LEMD1: variants seen among roughly 807,000 people sequenced by gnomAD.
LEMD1 encodes LEM domain-containing protein 1.
A neutral mutation model predicts 17.4 loss-of-function variants in LEMD1; 18 were observed. The ratio of observed to expected loss-of-function variants is 1.04; its 90% CI spans 0.72 to 1.54. The LOEUF is 1.54. Among genes scored for constraint, LEMD1 ranks in the 40% most tolerant of loss-of-function variants. The pLI, the probability that LEMD1 is intolerant of heterozygous loss-of-function variation, is 0.00. For missense variants in LEMD1, 195 were observed against 210.4 expected, an observed-to-expected ratio of 0.93 and a Z score of 0.45; for synonymous variants, 88 against 77.8, an observed-to-expected ratio of 1.13 and a Z score of -0.69.
chr1:205,427,976 G>T (rs1002128247), intron 1 of LEMD1, among the ~76,000 whole-genome samples: 1 of 152,180 alleles, frequency 6.6e-6, no homozygotes, highest in African/African-American at 2.4e-5. Flanking sequence ...GATGTTTCCT[G>T]AGGATCCCGA....
At chr1:205,390,732 T>A (rs1006765860) in intron 4 of LEMD1, among the ~76,000 whole-genome samples, 4 of 152,164 alleles carry the variant, frequency 2.6e-5, no homozygotes, top group African/African-American at 7.2e-5. Flanking sequence ...CTATTCCCAA[T>A]GGAGCAAAAA....
intron 1 of LEMD1, among the ~76,000 whole-genome samples, chr1:205,447,698 C>T (rs115063483): frequency 1.6e-4 from 25 of 152,096 alleles, no homozygotes; most frequent in African/African-American, 5.5e-4. Flanking sequence ...GGGGGCAGCT[C>T]CTGGAGATGG....
intron 4 of LEMD1, among the ~76,000 whole-genome samples, chr1:205,403,570 C>T (rs1290551692): frequency 2.6e-5 from 4 of 151,414 alleles, no homozygotes; most frequent in Admixed American, 6.6e-5. Context: ...TTTTTTATTG[C>T]ATCTATTTGA....
At chr1:205,444,432 G>A (rs61824986) in intron 1 of LEMD1, among the ~76,000 whole-genome samples, 10,569 of 152,032 alleles carry the variant, frequency 0.07, 490 homozygotes, top group Non-Finnish European at 0.11. Context: ...TAGAGCATCC[G>A]TCCTCCCCCA....
intron 3 of LEMD1, 115 bp from the exon 4 acceptor site, chr1:205,416,411 G>A (rs1331491711): frequency 1.4e-6 from 1 of 712,856 alleles, no homozygotes; most frequent in East Asian, 2.8e-5. Context: ...TTTGCAAGGG[G>A]ATGAAAATTC....
chr1:205,434,129 G>A (rs112762696), intron 1 of LEMD1, among the ~76,000 whole-genome samples: 84 of 151,930 alleles, frequency 5.5e-4, no homozygotes, highest in Admixed American at 1.3e-3. Context: ...GAAAATTCCC[G>A]TGTGTTCTGT....
At chr1:205,446,220 T>A (rs10793730) in intron 1 of LEMD1, among the ~76,000 whole-genome samples, 3 of 152,240 alleles carry the variant, frequency 2.0e-5, no homozygotes. Flanking sequence ...GCCTGTCCCA[T>A]TGGCAGTAGC....
intron 1 of LEMD1, among the ~76,000 whole-genome samples, chr1:205,445,185 CCTCCCTCTCCCT>C (rs967373487): frequency 6.6e-6 from 1 of 152,100 alleles, no homozygotes; most frequent in Non-Finnish European, 1.5e-5. Context: ...CTCCCCACCT[CCTCCCTCTCCCT>C]CTCCCTCTGG....
At chr1:205,445,118 T>A (rs957348075) in intron 1 of LEMD1, among the ~76,000 whole-genome samples, 4 of 152,028 alleles carry the variant, frequency 2.6e-5, no homozygotes, top group African/African-American at 9.7e-5. Context: ...GCTCGGGCGG[T>A]GGAGCAGACA....
chr1:205,426,071 A>G (rs116757343), upstream of LEMD1, among the ~76,000 whole-genome samples: 1 of 152,308 alleles, frequency 6.6e-6, no homozygotes, highest in Non-Finnish European at 1.5e-5. Flanking sequence ...TCATATGAAG[A>G]GTACACTTAA....
intron 1 of LEMD1, among the ~76,000 whole-genome samples, chr1:205,438,057 C>A (rs1280567390): frequency 6.6e-6 from 1 of 152,184 alleles, no homozygotes; most frequent in South Asian, 2.1e-4. Flanking sequence ...ACAAGAAGCC[C>A]CTTGGGTCCT....
chr1:205,412,237 G>C (rs1022477734), intron 4 of LEMD1, among the ~76,000 whole-genome samples: 10 of 152,066 alleles, frequency 6.6e-5, no homozygotes, highest in Non-Finnish European at 1.3e-4. Context: ...AGGGCACTTA[G>C]AGACTGAGTT....
At chr1:205,404,434 T>C (rs1664995390) in intron 4 of LEMD1, among the ~76,000 whole-genome samples, 1 of 152,224 alleles carries the variant, frequency 6.6e-6, no homozygotes, top group African/African-American at 2.4e-5. Flanking sequence ...TCTTGTTGAA[T>C]TGATCCCTTT....
intron 4 of LEMD1, among the ~76,000 whole-genome samples, chr1:205,391,119 C>A (rs1295870995): frequency 6.6e-6 from 1 of 151,888 alleles, no homozygotes; most frequent in African/African-American, 2.4e-5. Flanking sequence ...TATATGGAAA[C>A]TTGATATATG....
intron 4 of LEMD1, among the ~76,000 whole-genome samples, chr1:205,412,105 A>G (rs1194386085): frequency 1.3e-5 from 2 of 152,132 alleles, no homozygotes; most frequent in Admixed American, 6.6e-5. Context: ...TCAAAAGCAT[A>G]CTGGTCAGGA....
upstream of LEMD1, among the ~76,000 whole-genome samples, chr1:205,423,736 C>T (rs777490821): frequency 4.6e-5 from 7 of 152,358 alleles, no homozygotes; most frequent in Non-Finnish European, 7.3e-5. Flanking sequence ...GCTTGCAGCA[C>T]ACCATCTCCC....
At chr1:205,403,967 G>C (rs986976860) in intron 4 of LEMD1, among the ~76,000 whole-genome samples, 16 of 152,156 alleles carry the variant, frequency 1.1e-4, no homozygotes, top group African/African-American at 3.9e-4. Flanking sequence ...GTACCCAGTA[G>C]TCATTCAGGA....
At chr1:205,399,067 T>A (rs1664717020) in intron 4 of LEMD1, among the ~76,000 whole-genome samples, 2 of 151,750 alleles carry the variant, frequency 1.3e-5, no homozygotes, top group South Asian at 4.2e-4. Context: ...ATACAAAAAT[T>A]AGCCGAGTGT....
Position 205,410,985 on chromosome 1 carries a change from G to A in LEMD1, c.270+5247C>T, listed in dbSNP as rs1447698849. 3.5e-5 allele frequency among the ~76,000 whole-genome samples: 5 copies of A among 142,920 alleles called. No individual in the cohort carries two copies. The East Asian group carries it at 8.1e-4, about 23-fold the overall frequency. 93.8% of individuals were successfully genotyped at this position (142,920 alleles called of 152,430 possible). ...AGAAAGAAAGAAGGAAAGAAAGGAAGGAAGGAAAGAAAAGAAAAGGAGGGA... is the reference window on the plus strand; with the variant it reads ...AGAAAGAAAGAAGGAAAGAAAGGAAAGAAGGAAAGAAAAGAAAAGGAGGGA... On this transcript the variant is annotated intron_variant, in intron 4 of 5. Transcript: ENST00000367153.
Sources: allele counts gnomAD v4.1 joint callset (sites outside exome capture counted in the v4.1 genomes callset), GRCh38; gene constraint gnomAD v4.1.1; transcripts MANE v1.5; gene names NCBI Gene and HGNC (gene_info 2026-07-23, HGNC 2026-07-21).